The following LRIG1 variants were observed in gnomAD, a reference collection of about 807,000 sequenced individuals.
LRIG1 encodes the protein leucine-rich repeats and immunoglobulin-like domains protein 1.
A neutral mutation model predicts 99.2 loss-of-function variants in LRIG1; 48 were observed. The observed-to-expected ratio is 0.48, with a 90% CI of 0.38 to 0.62. The LOEUF is 0.62. Among genes scored for constraint, LRIG1 ranks in the 20% least tolerant of loss-of-function variants. The pLI, the probability that LRIG1 is intolerant of heterozygous loss-of-function variation, is 0.00. For synonymous variants in LRIG1, 772 were observed against 596.1 expected (o/e 1.29, Z -4.30); for missense variants, 1,646 against 1,434.4 (o/e 1.15, Z -2.38).
At chr3:66,462,062 G>A (rs548389691) in intron 2 of LRIG1, among the ~76,000 whole-genome samples, 13 of 152,264 alleles carry the variant, frequency 8.5e-5, no homozygotes, top group African/African-American at 2.6e-4. Context: ...TGGCCAACAC[G>A]GCAAAATCTC....
At position 66,415,063 on chromosome 3, in the gene LRIG1, G is replaced by A. The variant is rs1702581135; in HGVS notation, c.504C>T (p.Leu168=). Residue 168 remains leucine (L), a splice_region_variant and synonymous_variant, in exon 5 of 19, where the codon CTC becomes CTT. Transcript: ENST00000273261. ...TGCCAATCCGATTGCCTGCCAGGTT[G>A]CTGGAATGATTCAGAAAAGAAAATG... ...CFPHGPPIKE[L]NLAGNRIGTL... 6.3e-7 allele frequency: 1 copy of A among 1,593,268 alleles called. No homozygotes were observed. Among genetic ancestry groups the A allele is most frequent in the Admixed American group, 1.8e-5 (1 of 55,472 alleles).
rs1476329964 is a variant in LRIG1, at chr3:66,398,045, TGC to T, written c.1304+65_1304+66del. 10 of 1,281,082 alleles carry T rather than the reference TGC, an allele frequency of 7.8e-6. No individual in the cohort carries two copies. The East Asian group carries it at 2.3e-4, about 30-fold the overall frequency. The allele number at this position is 1,281,082 out of a possible 1,614,324, so 79.4% of individuals were successfully genotyped here. A position where few individuals can be genotyped will look rare whatever the true frequency, so the allele number is the denominator to read the frequency against. On this transcript the variant is annotated intron_variant, in intron 11 of 18. Coordinates refer to ENST00000273261, the MANE Select transcript of LRIG1 (RefSeq NM_015541.3). ...TTTTAACAAGTGAGCATAATGCAAT[TGC>T]AGAAGTTTCTTACTCTGAAAGTCTC...
chr3:66,394,015 G>C, intron 12 of LRIG1, 25 bp downstream of exon 12: 1 of 1,612,960 alleles, frequency 6.2e-7, no homozygotes, highest in Non-Finnish European at 8.5e-7. Context: ...ATGAAGGAGA[G>C]AAAAAGTTAC....
intron 1 of LRIG1, among the ~76,000 whole-genome samples, chr3:66,474,105 T>C (rs562783216): frequency 9.8e-5 from 15 of 152,300 alleles, no homozygotes; most frequent in African/African-American, 2.2e-4. Context: ...GCATGCATTA[T>C]TGTACACAGA....
intron 5 of LRIG1, among the ~76,000 whole-genome samples, chr3:66,413,748 C>T (rs1702539573): frequency 6.6e-6 from 1 of 152,160 alleles, no homozygotes; most frequent in Non-Finnish European, 1.5e-5. Context: ...CTGCCCCACA[C>T]AAACCTTCTC....
chr3:66,401,538 A>G (rs1702055563), intron 9 of LRIG1: 1 of 1,102,248 alleles, frequency 9.1e-7, no homozygotes, highest in Non-Finnish European at 1.2e-6. Flanking sequence ...CAATAGCAAT[A>G]AAATAAATTC....
intron 7 of LRIG1, among the ~76,000 whole-genome samples, chr3:66,409,568 C>T (rs80232668): frequency 6.6e-6 from 1 of 152,248 alleles, no homozygotes. Context: ...GGAGCCTCTG[C>T]CAGCAGGCCA....
In LRIG1 at chr3:66,383,058, G is replaced by C. The variant is rs746556000; in HGVS notation, c.2415C>G (p.Val805=). The C allele has an allele frequency of 6.2e-7, 1 of 1,614,256 alleles. No homozygotes were observed. The highest frequency in any genetic ancestry group is 1.1e-5 in the South Asian group (1 of 91,090). The change falls in exon 15 of 19, where the codon GTC becomes GTG. Residue 805 remains valine, a synonymous_variant. Coordinates refer to ENST00000273261, the MANE Select transcript of LRIG1 (RefSeq NM_015541.3). ...TGCACACCCAGACCAGTGACGTCAG[G>C]ACGATGCTGCTCACGACAGCAATGG... ...IFTIAVVSSI[V]LTSLVWVCII...
chr3:66,452,685 C>A (rs1446439422), intron 2 of LRIG1, among the ~76,000 whole-genome samples: 1 of 151,962 alleles, frequency 6.6e-6, no homozygotes, highest in Non-Finnish European at 1.5e-5. Flanking sequence ...AAGTATACAG[C>A]TAGCATGTGC....
intron 1 of LRIG1, among the ~76,000 whole-genome samples, chr3:66,474,347 CTTT>C (rs58012350): frequency 1.4e-5 from 2 of 140,694 alleles, no homozygotes; most frequent in Non-Finnish European, 1.6e-5. Flanking sequence ...CATCTACGTT[CTTT>C]TTTTTTTTTT....
At chr3:66,495,913 A>G (rs542532794) in intron 1 of LRIG1, among the ~76,000 whole-genome samples, 6 of 152,306 alleles carry the variant, frequency 3.9e-5, no homozygotes, top group African/African-American at 1.4e-4. Flanking sequence ...TGAGGGAGAG[A>G]AAGGTCAGCC....
chr3:66,498,803 C>T (rs2106945879), intron 1 of LRIG1, among the ~76,000 whole-genome samples: 1 of 152,284 alleles, frequency 6.6e-6, no homozygotes. Flanking sequence ...AGTACTTGTT[C>T]ATGGAGCAGT....
At position 66,382,346 on chromosome 3, in the gene LRIG1, G is replaced by A. The variant is rs761581061; in HGVS notation, c.2544C>T (p.Thr848=). Residue 848 remains threonine (T), a synonymous_variant, in exon 16 of 19, where the codon ACC becomes ACT. Coordinates refer to ENST00000273261, the MANE Select transcript of LRIG1 (RefSeq NM_015541.3). The part of the protein sequence containing the change: ...DVPSYLSSQG[T]LSDRQETVVR... ...CCACGGTTTCTTGTCGGTCAGAAAG[G>A]GTCCCCTGAGAAGAGAGGTAGCTTG... The A allele has an allele frequency of 6.2e-7, 1 of 1,614,174 alleles. No individual in the cohort carries two copies. The highest frequency in any genetic ancestry group is 8.5e-7 in the Non-Finnish European group (1 of 1,180,020).
At chr3:66,383,891 C>A in intron 14 of LRIG1, 100 bp downstream of exon 14, 1 of 1,486,148 alleles carries the variant, frequency 6.7e-7, no homozygotes, top group Non-Finnish European at 9.0e-7. Context: ...GGTCGAAAGG[C>A]CCACAACGCA....
At chr3:66,486,423 A>G (rs1041226266) in intron 1 of LRIG1, among the ~76,000 whole-genome samples, 1 of 152,120 alleles carries the variant, frequency 6.6e-6, no homozygotes, top group Non-Finnish European at 1.5e-5. Flanking sequence ...ATGGCCCCTC[A>G]TAACCAGATG....
intron 1 of LRIG1, among the ~76,000 whole-genome samples, chr3:66,494,185 T>C (rs1701176880): frequency 6.6e-6 from 1 of 152,224 alleles, no homozygotes; most frequent in Admixed American, 6.5e-5. Context: ...CATCTAACTT[T>C]GTCCTCACAG....
chr3:66,469,411 A>G (rs1700546903), intron 1 of LRIG1, among the ~76,000 whole-genome samples: 1 of 152,210 alleles, frequency 6.6e-6, no homozygotes, highest in South Asian at 2.1e-4. Flanking sequence ...GATACTATAT[A>G]CATACAGCTA....
intron 3 of LRIG1, among the ~76,000 whole-genome samples, chr3:66,427,403 C>T (rs1703019445): frequency 6.6e-6 from 1 of 152,230 alleles, no homozygotes; most frequent in Non-Finnish European, 1.5e-5. Context: ...GTACAGGGCA[C>T]ACCAGCCCTG....
intron 3 of LRIG1, among the ~76,000 whole-genome samples, chr3:66,421,925 C>A (rs1381896356): frequency 6.6e-6 from 1 of 152,242 alleles, no homozygotes; most frequent in East Asian, 1.9e-4. Flanking sequence ...TTGACTTCTG[C>A]ATACCTGCAG....
Sources: allele counts gnomAD v4.1 joint callset (sites outside exome capture counted in the v4.1 genomes callset), GRCh38; gene constraint gnomAD v4.1.1; transcripts MANE v1.5; gene names NCBI Gene and HGNC (gene_info 2026-07-23, HGNC 2026-07-21).